Variants in E2F7 observed in about 807,000 individuals in gnomAD.
The protein encoded by E2F7 is transcription factor E2F7.
A neutral mutation model predicts 81.1 loss-of-function variants in E2F7; 35 were observed. The ratio of observed to expected loss-of-function variants is 0.43; its 90% CI spans 0.33 to 0.57. The LOEUF (loss-of-function observed/expected upper bound fraction) is 0.57. Among genes scored for constraint, E2F7 ranks in the 20% least tolerant of loss-of-function variants. E2F7 has a pLI of 0.04. For missense variants in E2F7, 961 were observed against 1,093.7 expected, an observed-to-expected ratio of 0.88 and a Z score of 1.71; for synonymous variants, 416 against 416.2, an observed-to-expected ratio of 1.00 and a Z score of 0.01.
intron 3 of E2F7, among the ~76,000 whole-genome samples, chr12:77,055,466 C>T (rs1054250268): frequency 2.6e-5 from 4 of 151,560 alleles, no homozygotes; most frequent in Admixed American, 6.6e-5. Context: ...CCCAAACTAA[C>T]CAACTGAACA....
chr12:77,028,149 C>A lies in E2F7; in HGVS notation c.1885-11G>T, dbSNP rs1371964307. 3 of 1,596,790 alleles carry A rather than the reference C, an allele frequency of 1.9e-6. No homozygotes were observed. Among genetic ancestry groups the A allele is most frequent in the Admixed American group, 3.6e-5 (2 of 56,258 alleles). Reference sequence around the variant, plus strand: ...GGAATCTGAGGGTTTCTAAACACAACCAAACCAGGAAGCAAGAAAGTAAGT... The same window carrying A: ...GGAATCTGAGGGTTTCTAAACACAAACAAACCAGGAAGCAAGAAAGTAAGT... On this transcript the variant is annotated splice_polypyrimidine_tract_variant and intron_variant, in intron 10 of 12. Transcript: ENST00000322886.
Position 77,055,990 on chromosome 12 carries a change from C to T in E2F7, c.234G>A (p.Ala78=), listed in dbSNP as rs745954561. 9.9e-6 allele frequency: 16 copies of T among 1,614,122 alleles called. No individual in the cohort carries two copies. The highest frequency in any genetic ancestry group is 8.3e-5 in the Admixed American group (5 of 60,016). The change falls in exon 3 of 13, where the codon GCG becomes GCA. Residue 78 remains alanine (A), a synonymous_variant. Coordinates refer to ENST00000322886, the MANE Select transcript of E2F7 (RefSeq NM_203394.3). The part of the protein sequence containing the change: ...TPVKFVDRQQ[A]EPWTPTANLK... ...GGTTAGCTGTGGGTGTCCATGGTTC[C>T]GCTTGCTGTCTGTCAACAAACTTAA...
chr12:77,049,607 G>A lies in E2F7; in HGVS notation c.538+969C>T, dbSNP rs150119993. Among the ~76,000 whole-genome samples the A allele has an allele frequency of 5.6e-3, 852 of 152,288 alleles. 3 individuals are homozygous for A. The highest frequency in any genetic ancestry group is 7.8e-3 in the Non-Finnish European group (532 of 68,030). On this transcript the variant is annotated intron_variant, in intron 4 of 12. Coordinates refer to ENST00000322886, the MANE Select transcript of E2F7 (RefSeq NM_203394.3). ...AGCTGGGCTTCAAATCCAGCCCTAT[G>A]TGACCCAAAGCCCAGCCCATGGTCT...
At chr12:77,042,849 T>C (rs1954904577) in intron 7 of E2F7, among the ~76,000 whole-genome samples, 1 of 152,208 alleles carries the variant, frequency 6.6e-6, no homozygotes, top group Admixed American at 6.5e-5. Context: ...ACTCCCATAT[T>C]ATAAACACTC....
chr12:77,038,082 G>T (rs532138662), intron 7 of E2F7, among the ~76,000 whole-genome samples: 2 of 152,262 alleles, frequency 1.3e-5, no homozygotes, highest in East Asian at 3.9e-4. Context: ...AAAAGGGTCA[G>T]TTCATCAAGA....
rs939166001 is a variant in E2F7, at chr12:77,022,720, G to C, written c.*1295C>G. 6.6e-6 allele frequency: 1 copy of C among 152,296 alleles called. No individual in the cohort carries two copies. The highest frequency in any genetic ancestry group is 1.5e-5 in the Non-Finnish European group (1 of 68,014). The allele number at this position is 152,296 out of a possible 1,614,324, so 9.4% of individuals were successfully genotyped here. A position where few individuals can be genotyped will look rare whatever the true frequency, so the allele number is the denominator to read the frequency against. Reference sequence around the variant, plus strand: ...ATTTACTCTGAAGAGACAAGAGAGAGGTAAATATCAGCAAGTCTAGGAATA... The same window carrying C: ...ATTTACTCTGAAGAGACAAGAGAGACGTAAATATCAGCAAGTCTAGGAATA... On this transcript the variant is annotated 3_prime_UTR_variant, in exon 13 of 13. Coordinates refer to ENST00000322886, the MANE Select transcript of E2F7 (RefSeq NM_203394.3).
intron 10 of E2F7, 45 bp from the exon 11 acceptor site, chr12:77,028,183 C>A: frequency 6.3e-7 from 1 of 1,576,178 alleles, no homozygotes. Flanking sequence ...GTTAAAATTC[C>A]AGTAGTAAAT....
rs772748446 is a variant in E2F7, at chr12:77,027,997, A to C, written c.2026T>G (p.Ser676Ala). ...CTTGAAGGATTTCCCCACTCAGAAG[A>C]AACAAGAGAGTTTGCTGTTGCCTTT... Reference protein sequence around the residue: ...SGKATANSLVSSEWGNPSRNT... With the variant: ...SGKATANSLVASEWGNPSRNT... The change falls in exon 11 of 13, where the codon TCT becomes GCT. Residue 676 changes from serine to alanine, a missense_variant. By Grantham distance (99) the Ser-to-Ala change is moderately conservative. Transcript: ENST00000322886. 7 of 1,614,140 alleles carry C rather than the reference A, an allele frequency of 4.3e-6. No homozygotes were observed. In the South Asian group the frequency reaches 6.6e-5, roughly 15 times the overall value.
Position 77,065,341 on chromosome 12 carries a change from T to C in E2F7, c.-1+4A>G, listed in dbSNP as rs1029379527. On this transcript the variant is annotated splice_donor_region_variant and intron_variant, in intron 1 of 12. Transcript: ENST00000322886. ...CCCCACTGGCGCTGGGGCCGCACGC[T>C]TACCCCTGCTTTCCTAAGGAGGCTT... The C allele has an allele frequency of 2.6e-5, 4 of 152,390 alleles. No individual in the cohort carries two copies. The highest frequency in any genetic ancestry group is 3.4e-3 in the Middle Eastern group (1 of 294). 9.4% of individuals were successfully genotyped at this position (152,390 alleles called of 1,614,324 possible).
chr12:77,028,806 T>C (rs1371827697), intron 10 of E2F7, among the ~76,000 whole-genome samples: 1 of 152,212 alleles, frequency 6.6e-6, no homozygotes, highest in East Asian at 1.9e-4. Flanking sequence ...GCTTTCTTAA[T>C]ATTGCTAACA....
At chr12:77,035,193 G>A (rs952669022) in intron 7 of E2F7, among the ~76,000 whole-genome samples, 1 of 152,206 alleles carries the variant, frequency 6.6e-6, no homozygotes, top group Non-Finnish European at 1.5e-5. Context: ...GAGACTGTAG[G>A]TCTCCCTAAG....
At position 77,046,198 on chromosome 12, in the gene E2F7, C is replaced by T. The variant is rs1243367022; in HGVS notation, c.669G>A (p.Gln223=). The T allele has an allele frequency of 6.2e-7, 1 of 1,614,112 alleles. No individual in the cohort carries two copies. The highest frequency in any genetic ancestry group is 1.3e-5 in the African/African-American group (1 of 74,942). The stretch of plus-strand genomic sequence containing the variant: ...CATATTTCTGCTCCTCTCCTAGTCT[C>T]TGGAGGTTCCTCAGGGTTTTTGGCA... ...HSLPKTLRNL[Q]RLGEEQKYEE... The change falls in exon 5 of 13, where the codon CAG becomes CAA. Residue 223 remains glutamine (Q), a synonymous_variant. Coordinates refer to ENST00000322886, the MANE Select transcript of E2F7 (RefSeq NM_203394.3).
intron 3 of E2F7, among the ~76,000 whole-genome samples, chr12:77,055,235 G>A (rs952437578): frequency 6.6e-6 from 1 of 151,768 alleles, no homozygotes; most frequent in Non-Finnish European, 1.5e-5. Context: ...TCTTCATTTT[G>A]GCAATTTTTA....
Position 77,046,050 on chromosome 12 carries a change from C to A in E2F7, c.817G>T (p.Asp273Tyr), listed in dbSNP as rs751994044. 1.9e-6 allele frequency: 3 copies of A among 1,613,634 alleles called. No individual in the cohort carries two copies. Among genetic ancestry groups the A allele is most frequent in the African/African-American group, 1.3e-5 (1 of 74,908 alleles). ...EQQLLDFSEP[D>Y]CPSSSANSRK... ...ACAATGGACTCACAAGAGGGACAGT[C>A]GGGTTCAGAGAAATCCAGTAACTGT... The change falls in exon 5 of 13, where the codon GAC becomes TAC. Residue 273 changes from aspartate (D) to tyrosine (Y), a missense_variant. This residue lies in a region of E2F7 where 301 missense variants were observed against 405.0 expected (regional missense o/e 0.74). Coordinates refer to ENST00000322886, the MANE Select transcript of E2F7 (RefSeq NM_203394.3).
intron 7 of E2F7, among the ~76,000 whole-genome samples, chr12:77,035,637 A>G (rs2120659886): frequency 6.6e-6 from 1 of 152,356 alleles, no homozygotes; most frequent in Admixed American, 6.5e-5. Flanking sequence ...GCTCAAGAAC[A>G]TTTTTAGGAA....
At chr12:77,040,719 G>T (rs758033295) in intron 7 of E2F7, among the ~76,000 whole-genome samples, 1 of 152,100 alleles carries the variant, frequency 6.6e-6, no homozygotes, top group Admixed American at 6.5e-5. Context: ...ATTACAAAGG[G>T]GGCAGGAGGA....
In E2F7 at chr12:77,023,971, C is replaced by T. The variant is rs1954735581; in HGVS notation, c.*44G>A. Reference sequence around the variant, plus strand: ...TGCATCCCGCCTCGGACATCCGGGACTCTCAGGGCGTTTGATCCCACCCCC... The same window carrying T: ...TGCATCCCGCCTCGGACATCCGGGATTCTCAGGGCGTTTGATCCCACCCCC... On this transcript the variant is annotated 3_prime_UTR_variant, in exon 13 of 13. Transcript: ENST00000322886. 1.2e-6 allele frequency: 2 copies of T among 1,600,376 alleles called. No individual in the cohort carries two copies. The highest frequency in any genetic ancestry group is 1.1e-5 in the South Asian group (1 of 89,270).
intron 5 of E2F7, among the ~76,000 whole-genome samples, chr12:77,045,214 G>A (rs950381415): frequency 9.2e-5 from 14 of 152,132 alleles, no homozygotes; most frequent in African/African-American, 2.7e-4. Flanking sequence ...CTCTGTGTCC[G>A]CAATATCTAG....
chr12:77,045,948 C>A, intron 5 of E2F7, 90 bp downstream of exon 5: 1 of 1,502,236 alleles, frequency 6.7e-7, no homozygotes, highest in Non-Finnish European at 9.0e-7. Flanking sequence ...GGTTGTCAAC[C>A]TGGCACTTCC....
Sources: gnomAD v4.1 joint callset for allele counts (sites outside exome capture counted in the v4.1 genomes callset) on GRCh38, gnomAD v4.1.1 for gene constraint, gnomAD v4.1.1 regional missense constraint, MANE v1.5 for transcripts, NCBI Gene and HGNC (gene_info 2026-07-23, HGNC 2026-07-21) for gene names.